The following FOXP1 variants were observed in gnomAD, a reference collection of about 807,000 sequenced individuals.
The protein encoded by FOXP1 is forkhead box P1, also known as forkhead box protein P1.
FOXP1 carries 15 observed loss-of-function variants against 98.2 expected under a neutral mutation model. The observed-to-expected ratio is 0.15, with a 90% confidence interval of 0.10 to 0.24. FOXP1 has a LOEUF of 0.24. FOXP1 is among the 10% of genes least tolerant of loss of function. The pLI is 1.00. For synonymous variants in FOXP1, 371 were observed against 314.5 expected (o/e 1.18, Z -1.90); for missense variants, 633 against 848.5 (o/e 0.75, Z 3.15).
At chr3:71,203,272 A>T (rs1338352184) in intron 5 of FOXP1, among the ~76,000 whole-genome samples, 1 of 152,218 alleles carries the variant, frequency 6.6e-6, no homozygotes, top group African/African-American at 2.4e-5. Context: ...AGCCAAAATG[A>T]TCTACTTCTC....
chr3:71,198,019 T>G, intron 6 of FOXP1, 183 bp downstream of exon 6: 2 of 1,614,234 alleles, frequency 1.2e-6, no homozygotes, highest in Non-Finnish European at 1.7e-6. Context: ...AATTAGTCTC[T>G]TAAGCCAACT....
chr3:71,053,491 A>G (rs1472172863), intron 8 of FOXP1, 145 bp downstream of exon 8: 2 of 876,030 alleles, frequency 2.3e-6, no homozygotes, highest in Admixed American at 4.4e-5. Context: ...TTATTCAGGG[A>G]GTGGTCTGTG....
intron 4 of FOXP1, among the ~76,000 whole-genome samples, chr3:71,301,181 A>C (rs780233444): frequency 1.3e-5 from 2 of 152,242 alleles, no homozygotes; most frequent in Non-Finnish European, 1.5e-5. Flanking sequence ...TCTGGGACTT[A>C]AAATTACTAT....
In FOXP1 at chr3:71,454,371, C is replaced by A. The variant is rs1560508703; in HGVS notation, c.-168+39055G>T. 2.0e-5 allele frequency among the ~76,000 whole-genome samples: 3 copies of A among 152,206 alleles called. No homozygotes were observed. In the East Asian group the frequency reaches 5.8e-4, roughly 29 times the overall value. ...GAAAATGCTCCTTAATGTTCACAGA[C>A]GTGGTTACCCACTGAAGCAGGAGCT... is the stretch of plus-strand genomic sequence containing the variant. On this transcript the variant is annotated intron_variant, in intron 3 of 20. Coordinates refer to ENST00000649528, the MANE Select transcript of FOXP1 (RefSeq NM_001349338.3).
intron 6 of FOXP1, among the ~76,000 whole-genome samples, chr3:71,124,655 GA>G (rs201365799): frequency 9.2e-5 from 13 of 141,974 alleles, no homozygotes; most frequent in African/African-American, 1.6e-4. Flanking sequence ...AAAAAAAAAA[GA>G]AAAAAAAAAG....
chr3:71,367,612 T>A (rs2079013376), intron 3 of FOXP1, among the ~76,000 whole-genome samples: 1 of 152,000 alleles, frequency 6.6e-6, no homozygotes. Context: ...AAACAACATA[T>A]CTTTACCTAA....
At chr3:70,971,151 G>C in intron 18 of FOXP1, 1 of 343,300 alleles carries the variant, frequency 2.9e-6, no homozygotes, top group South Asian at 2.5e-5. Flanking sequence ...GGTCGTGCTG[G>C]GGAAGGCAGT....
chr3:71,522,497 G>C (rs527270893), intron 2 of FOXP1, among the ~76,000 whole-genome samples: 40 of 152,288 alleles, frequency 2.6e-4, no homozygotes, highest in African/African-American at 9.4e-4. Context: ...TGTGACCTAA[G>C]CCAGGGAATT....
intron 4 of FOXP1, among the ~76,000 whole-genome samples, chr3:71,322,288 A>G (rs1044978613): frequency 1.3e-5 from 2 of 152,224 alleles, no homozygotes; most frequent in African/African-American, 4.8e-5. Context: ...GTTTAAATAA[A>G]TTAAAACTAA....
At chr3:71,035,214 T>C (rs978285195) in intron 11 of FOXP1, among the ~76,000 whole-genome samples, 5 of 152,118 alleles carry the variant, frequency 3.3e-5, no homozygotes, top group African/African-American at 9.7e-5. Flanking sequence ...CCAGGGTATG[T>C]AGGGCAAATG....
intron 5 of FOXP1, among the ~76,000 whole-genome samples, chr3:71,202,527 A>T (rs796362131): frequency 3.3e-5 from 5 of 152,322 alleles, no homozygotes; most frequent in African/African-American, 9.6e-5. Flanking sequence ...GTGCTTTTCA[A>T]ACTTGTAACA....
chr3:71,269,341 A>C (rs2070094351), intron 5 of FOXP1, among the ~76,000 whole-genome samples: 1 of 152,202 alleles, frequency 6.6e-6, no homozygotes, highest in African/African-American at 2.4e-5. Flanking sequence ...ATAGCTAGGC[A>C]GAAAAAAAAA....
At chr3:71,081,146 C>T (rs555124744) in intron 7 of FOXP1, among the ~76,000 whole-genome samples, 2 of 152,320 alleles carry the variant, frequency 1.3e-5, no homozygotes, top group Non-Finnish European at 2.9e-5. Flanking sequence ...CGACACTAAA[C>T]AATAATGAAG....
At chr3:71,073,790 G>T (rs2053516273) in intron 7 of FOXP1, among the ~76,000 whole-genome samples, 1 of 152,178 alleles carries the variant, frequency 6.6e-6, no homozygotes, top group African/African-American at 2.4e-5. Context: ...ACAGCTGGGG[G>T]ACTCATCTGA....
chr3:71,024,396 A>G (rs1182231835), intron 11 of FOXP1, among the ~76,000 whole-genome samples: 2 of 152,110 alleles, frequency 1.3e-5, no homozygotes, highest in African/African-American at 4.8e-5. Flanking sequence ...ACCACCCTAC[A>G]TGTTTATTAA....
chr3:71,523,369 T>C (rs2043133270), intron 2 of FOXP1, among the ~76,000 whole-genome samples: 1 of 152,198 alleles, frequency 6.6e-6, no homozygotes, highest in South Asian at 2.1e-4. Flanking sequence ...GTAAGCTATG[T>C]GTTTCCTCAG....
At chr3:71,581,827 C>G (rs2048194972) in intron 1 of FOXP1, 130 bp from the exon 2 acceptor site, 19 of 986,158 alleles carry the variant, frequency 1.9e-5, no homozygotes, top group Non-Finnish European at 2.3e-5. Context: ...CTCCGAGGAC[C>G]CGCGAGTGCG....
rs563681610 is a variant in FOXP1 at position 70,960,599 on chromosome 3, AG to A, written c.1890-1209del. ...TCCCATCTCTGGGACAGGCTGCAGA[AG>A]GGAAGATTTTTAAATTGACGTTATC... is the stretch of plus-strand genomic sequence containing the variant. On this transcript the variant is annotated intron_variant, in intron 20 of 20. Coordinates refer to ENST00000649528, the MANE Select transcript of FOXP1 (RefSeq NM_001349338.3). Among the ~76,000 whole-genome samples, 16 of 152,346 alleles carry A rather than the reference AG, an allele frequency of 1.1e-4. No individual in the cohort carries two copies. In the East Asian group the frequency reaches 3.1e-3, roughly 29 times the overall value.
At chr3:71,510,024 C>T (rs1359378830) in intron 2 of FOXP1, among the ~76,000 whole-genome samples, 1 of 151,880 alleles carries the variant, frequency 6.6e-6, no homozygotes, top group Admixed American at 6.6e-5. Context: ...ACTAAAAATA[C>T]AAAAATTAGC....
Sources: gnomAD v4.1 joint callset for allele counts (sites outside exome capture counted in the v4.1 genomes callset) on GRCh38, gnomAD v4.1.1 for gene constraint, MANE v1.5 for transcripts, NCBI Gene and HGNC (gene_info 2026-07-23, HGNC 2026-07-21) for gene names.